CHFR: variants seen among roughly 807,000 people sequenced by gnomAD.
CHFR encodes E3 ubiquitin-protein ligase CHFR.
CHFR carries 57 observed loss-of-function variants against 87.6 expected under a neutral mutation model. The observed-to-expected ratio is 0.65, with a 90% CI of 0.53 to 0.81. The LOEUF is 0.81. Among genes scored for constraint, CHFR ranks in the 30% least tolerant of loss-of-function variants. CHFR has a pLI of 0.00. For synonymous variants in CHFR, 381 were observed against 359.2 expected (o/e 1.06, Z -0.69); for missense variants, 797 against 865.8 (o/e 0.92, Z 1.00).
chr12:132,857,568 G>T lies in CHFR; in HGVS notation c.912-9C>A. 6.2e-7 allele frequency: 1 copy of T among 1,613,228 alleles called. No individual in the cohort carries two copies. The highest frequency in any genetic ancestry group is 8.5e-7 in the Non-Finnish European group (1 of 1,179,614). ...GCATGCAGGGCTGCAAACTGAAAGT[G>T]CAAGAGGAACAGTGTCCAGACAGTC... On this transcript the variant is annotated splice_polypyrimidine_tract_variant and intron_variant, in intron 8 of 17. Coordinates refer to ENST00000450056, the MANE Select transcript of CHFR (RefSeq NM_001161346.2).
At chr12:132,882,275 A>T (rs1308777169) in intron 2 of CHFR, among the ~76,000 whole-genome samples, 3 of 152,176 alleles carry the variant, frequency 2.0e-5, no homozygotes, top group Non-Finnish European at 4.4e-5. Context: ...CAGGCGCAGA[A>T]GATGATGGCA....
chr12:132,883,288 T>C (rs1951810958), intron 2 of CHFR, among the ~76,000 whole-genome samples: 1 of 150,716 alleles, frequency 6.6e-6, no homozygotes, highest in East Asian at 2.0e-4. Flanking sequence ...TAGCCAAGCA[T>C]GGTGGTGAGT....
chr12:132,869,790 C>CTGAGGTA lies in CHFR; in HGVS notation c.405_411dup (p.Gly138TyrfsTer26). 3 of 1,551,448 alleles carry CTGAGGTA rather than the reference C, an allele frequency of 1.9e-6. No individual in the cohort carries two copies. The highest frequency in any genetic ancestry group is 2.6e-6 in the Non-Finnish European group (3 of 1,146,990). On this transcript the variant is annotated frameshift_variant, in exon 6 of 18. Coordinates refer to ENST00000450056, the MANE Select transcript of CHFR (RefSeq NM_001161346.2). LOFTEE classifies it high-confidence loss of function. The stretch of plus-strand genomic sequence containing the variant: ...TCGGCCCCTCGCCCTGCACCTGCAC[C>CTGAGGTA]TGAGGTATCTTTGGTCCCATGGAAC...
rs982859586 is a variant in CHFR, at chr12:132,851,821, C to T, written c.1373-84G>A. The T allele has an allele frequency of 1.8e-5, 27 of 1,487,280 alleles. No individual in the cohort carries two copies. The African/African-American group carries it at 2.9e-4, about 16-fold the overall frequency. 92.1% of individuals were successfully genotyped at this position (1,487,280 alleles called of 1,614,324 possible). ...TTAGAGAGGCCGCCGGGAAGCACAG[C>T]GAGGAGAGGTGCACCTGAGACAGCC... On this transcript the variant is annotated intron_variant, in intron 11 of 17. Coordinates refer to ENST00000450056, the MANE Select transcript of CHFR (RefSeq NM_001161346.2).
intron 2 of CHFR, among the ~76,000 whole-genome samples, chr12:132,886,700 G>A (rs1410886301): frequency 6.6e-6 from 1 of 152,144 alleles, no homozygotes; most frequent in Non-Finnish European, 1.5e-5. Flanking sequence ...TTTAATATAA[G>A]CACTACAGCT....
At chr12:132,870,638 T>C (rs11147126) in intron 5 of CHFR, 86 bp downstream of exon 5, 177,699 of 938,580 alleles carry the variant, frequency 0.19, 18,007 homozygotes, top group African/African-American at 0.27. Context: ...CCAGCCTGGG[T>C]AACAGAGCGA....
intron 2 of CHFR, among the ~76,000 whole-genome samples, chr12:132,885,220 T>C (rs1181893277): frequency 6.6e-6 from 1 of 151,230 alleles, no homozygotes; most frequent in Non-Finnish European, 1.5e-5. Context: ...CCATCCTGGC[T>C]AACATGGTGA....
At chr12:132,886,392 T>G (rs954940554) in intron 2 of CHFR, among the ~76,000 whole-genome samples, 2 of 148,680 alleles carry the variant, frequency 1.3e-5, no homozygotes, top group African/African-American at 4.9e-5. Context: ...AAAAAAAAAT[T>G]GCTTCCAAAC....
Position 132,837,054 on chromosome 12 carries a change from G to A in CHFR, c.*4500C>T. On this transcript the variant is annotated 3_prime_UTR_variant, in exon 18 of 18. Transcript: ENST00000450056. ...GAGCTGAATGAGGAGAGGCTGCAGA[G>A]GGAGGGGCTGGTACCTGAGGGGCTG... The A allele has an allele frequency of 5.9e-6, 2 of 340,668 alleles. No homozygotes were observed. Among genetic ancestry groups the A allele is most frequent in the Non-Finnish European group, 1.1e-5 (2 of 174,082 alleles). The allele number at this position is 340,668 out of a possible 1,614,324, so 21.1% of individuals were successfully genotyped here. A position where few individuals can be genotyped will look rare whatever the true frequency, so the allele number is the denominator to read the frequency against.
intron 16 of CHFR, among the ~76,000 whole-genome samples, chr12:132,843,292 G>A (rs1480490289): frequency 6.6e-6 from 1 of 152,144 alleles, no homozygotes; most frequent in African/African-American, 2.4e-5. Flanking sequence ...CAGGTACAGT[G>A]GTTCATGCCT....
At chr12:132,847,185 T>G (rs1165364368) in intron 14 of CHFR, 55 bp from the exon 15 acceptor site, 2 of 1,605,796 alleles carry the variant, frequency 1.2e-6, no homozygotes, top group Non-Finnish European at 1.7e-6. Context: ...GAAGAAACAC[T>G]GAAATAACGA....
At chr12:132,859,622 T>A (rs1016555728) in intron 7 of CHFR, among the ~76,000 whole-genome samples, 1 of 152,202 alleles carries the variant, frequency 6.6e-6, no homozygotes, top group African/African-American at 2.4e-5. Flanking sequence ...AGTACTAGGG[T>A]AACAGGTGTG....
chr12:132,870,699 A>G (rs1951470279), intron 5 of CHFR, 25 bp downstream of exon 5: 5 of 1,538,926 alleles, frequency 3.2e-6, no homozygotes, highest in African/African-American at 1.4e-5. Context: ...ACATGCACCC[A>G]CTTCTTTGCT....
At position 132,836,822 on chromosome 12, in the gene CHFR, G is replaced by A. The variant is rs1372127454; in HGVS notation, c.*4732C>T. On this transcript the variant is annotated 3_prime_UTR_variant, in exon 18 of 18. Coordinates refer to ENST00000450056, the MANE Select transcript of CHFR (RefSeq NM_001161346.2). ...CTCATCAGCTCATCAGACCTTCACC[G>A]TTCAGTAGCCAACTGGTCAGTGATC... 1.3e-5 allele frequency: 6 copies of A among 453,664 alleles called. No homozygotes were observed. The highest frequency in any genetic ancestry group is 2.4e-5 in the Admixed American group (1 of 42,322). The allele number at this position is 453,664 out of a possible 1,614,324, so 28.1% of individuals were successfully genotyped here.
rs760476002 is a variant in CHFR, at chr12:132,843,693, G to T, written c.1843+334C>A. ...GTAAAGAAAAGAGTGCTGGCCGAGC[G>T]TGGTGGCTCATGCCTGCAATCCTAG... On this transcript the variant is annotated intron_variant, in intron 16 of 17. Coordinates refer to ENST00000450056, the MANE Select transcript of CHFR (RefSeq NM_001161346.2). Among the ~76,000 whole-genome samples the T allele has an allele frequency of 2.6e-5, 4 of 151,980 alleles. No individual in the cohort carries two copies. In the South Asian group the frequency reaches 8.3e-4, roughly 32 times the overall value.
At chr12:132,854,243 C>A (rs1951013246) in intron 10 of CHFR, 1 of 151,646 alleles carries the variant, frequency 6.6e-6, no homozygotes, top group African/African-American at 2.4e-5. Flanking sequence ...ATGAGATTAC[C>A]TACTTCTCCT....
intron 16 of CHFR, 48 bp from the exon 17 acceptor site, chr12:132,843,131 C>A: frequency 6.5e-7 from 1 of 1,538,284 alleles, no homozygotes; most frequent in East Asian, 2.3e-5. Flanking sequence ...TTGCACGCAC[C>A]CACTCAGCTA....
chr12:132,852,010 G>T (rs1187831649), intron 11 of CHFR, among the ~76,000 whole-genome samples: 1 of 149,832 alleles, frequency 6.7e-6, no homozygotes, highest in Non-Finnish European at 1.5e-5. Flanking sequence ...TTGAGACAGA[G>T]TCTCACTCTG....
rs1950669350 is a variant in CHFR at position 132,838,998 on chromosome 12, T to G, written c.*2556A>C. On this transcript the variant is annotated 3_prime_UTR_variant, in exon 18 of 18. Coordinates refer to ENST00000450056, the MANE Select transcript of CHFR (RefSeq NM_001161346.2). ...CGACTGCTCCAGGTAGAAATCCTCT[T>G]CACAGTGGGCCAGGAGTTGGACTTC... is the stretch of plus-strand genomic sequence containing the variant. 6.6e-6 allele frequency: 1 copy of G among 152,242 alleles called. No homozygotes were observed. The highest frequency in any genetic ancestry group is 2.4e-5 in the African/African-American group (1 of 41,394). 9.4% of individuals were successfully genotyped at this position (152,242 alleles called of 1,614,324 possible).
Sources: gnomAD v4.1 joint callset for allele counts (sites outside exome capture counted in the v4.1 genomes callset) on GRCh38, gnomAD v4.1.1 for gene constraint, MANE v1.5 for transcripts, NCBI Gene and HGNC (gene_info 2026-07-23, HGNC 2026-07-21) for gene names.